The following KCNIP4 variants were observed in gnomAD, a reference collection of about 807,000 sequenced individuals.
The protein encoded by KCNIP4 is potassium voltage-gated channel interacting protein 4, also known as Kv channel-interacting protein 4.
In KCNIP4, 12 loss-of-function variants were observed where a neutral mutation model predicts 34.0. The ratio of observed to expected loss-of-function variants is 0.35; its 90% CI spans 0.23 to 0.57. The LOEUF (loss-of-function observed/expected upper bound fraction) is 0.57. KCNIP4 is among the 20% of genes least tolerant of loss of function. KCNIP4 has a pLI of 0.83. For synonymous variants in KCNIP4, 124 were observed against 102.2 expected (o/e 1.21, Z -1.29); for missense variants, 238 against 311.7 (o/e 0.76, Z 1.78).
chr4:20,733,737 A>C (rs1001093641), intron 6 of KCNIP4, among the ~76,000 whole-genome samples: 1 of 152,182 alleles, frequency 6.6e-6, no homozygotes, highest in African/African-American at 2.4e-5. Context: ...TATTTAGGAT[A>C]TGCTCCATAT....
intron 1 of KCNIP4, among the ~76,000 whole-genome samples, chr4:21,576,343 C>A (rs1216283543): frequency 6.6e-6 from 1 of 152,054 alleles, no homozygotes. Context: ...TGACAGTTCC[C>A]GTAGGTATAA....
At chr4:21,805,405 C>T (rs771683479) in intron 1 of KCNIP4, among the ~76,000 whole-genome samples, 21 of 152,044 alleles carry the variant, frequency 1.4e-4, no homozygotes, top group African/African-American at 3.4e-4. Flanking sequence ...CAGAGCACCA[C>T]GAGATCTGAT....
At chr4:20,792,351 C>T (rs1232520224) in intron 3 of KCNIP4, among the ~76,000 whole-genome samples, 4 of 151,884 alleles carry the variant, frequency 2.6e-5, no homozygotes, top group African/African-American at 7.3e-5. Flanking sequence ...GGCAACAGAA[C>T]GAGACTCCAT....
chr4:21,480,103 A>C (rs1168043591), intron 1 of KCNIP4, among the ~76,000 whole-genome samples: 1 of 151,624 alleles, frequency 6.6e-6, no homozygotes, highest in Non-Finnish European at 1.5e-5. Context: ...AAGTTTAGAA[A>C]ACCTACATAA....
At chr4:21,652,061 C>CT (rs1560594461) in intron 1 of KCNIP4, among the ~76,000 whole-genome samples, 1 of 152,168 alleles carries the variant, frequency 6.6e-6, no homozygotes, top group African/African-American at 2.4e-5. Flanking sequence ...TCCAACAGGT[C>CT]TACACCTCTA....
At chr4:21,743,376 A>C (rs1250150286) in intron 1 of KCNIP4, among the ~76,000 whole-genome samples, 1 of 147,996 alleles carries the variant, frequency 6.8e-6, no homozygotes, top group Non-Finnish European at 1.5e-5. Flanking sequence ...TCATCACACT[A>C]TGTCACTGGG....
At chr4:21,445,020 C>T (rs1560412640) in intron 1 of KCNIP4, among the ~76,000 whole-genome samples, 3 of 152,182 alleles carry the variant, frequency 2.0e-5, no homozygotes, top group Non-Finnish European at 2.9e-5. Context: ...AGCTCCCATT[C>T]ACAATTGCTT....
intron 1 of KCNIP4, among the ~76,000 whole-genome samples, chr4:21,902,893 C>A (rs1222901399): frequency 6.6e-6 from 1 of 152,148 alleles, no homozygotes; most frequent in Non-Finnish European, 1.5e-5. Context: ...GAGAGGGACC[C>A]AGAAAGGTGA....
intron 1 of KCNIP4, among the ~76,000 whole-genome samples, chr4:21,484,299 C>A (rs1162056766): frequency 1.3e-5 from 2 of 151,924 alleles, no homozygotes; most frequent in Non-Finnish European, 2.9e-5. Context: ...TGGTGGCATG[C>A]ACCTGCAATC....
chr4:21,076,064 C>T (rs2109010049), intron 1 of KCNIP4, among the ~76,000 whole-genome samples: 1 of 152,250 alleles, frequency 6.6e-6, no homozygotes, highest in East Asian at 1.9e-4. Flanking sequence ...TCTGGCTACA[C>T]TTAACATTTT....
intron 1 of KCNIP4, among the ~76,000 whole-genome samples, chr4:21,674,052 T>G (rs1456605427): frequency 6.6e-6 from 1 of 152,206 alleles, no homozygotes; most frequent in Non-Finnish European, 1.5e-5. Flanking sequence ...ATCAGAAAAC[T>G]CAATCTTCTA....
chr4:21,696,016 T>C (rs188174117), intron 1 of KCNIP4, among the ~76,000 whole-genome samples: 3 of 152,134 alleles, frequency 2.0e-5, no homozygotes, highest in East Asian at 1.9e-4. Flanking sequence ...GAGCTCCGAG[T>C]TGGCAAAAGT....
chr4:21,245,502 G>A (rs1359739428), intron 1 of KCNIP4, among the ~76,000 whole-genome samples: 1 of 152,116 alleles, frequency 6.6e-6, no homozygotes. Context: ...TGCTTCTGCT[G>A]TGACTGTCAT....
At chr4:21,618,607 C>CTTTTCTTTTTCT (rs1214072984) in intron 1 of KCNIP4, among the ~76,000 whole-genome samples, 2 of 125,072 alleles carry the variant, frequency 1.6e-5, no homozygotes, top group Non-Finnish European at 3.4e-5. Flanking sequence ...TATATATTTT[C>CTTTTCTTTTTCT]TTTTCTTTTT....
chr4:20,793,983 C>G (rs777929936), intron 3 of KCNIP4, among the ~76,000 whole-genome samples: 5 of 152,080 alleles, frequency 3.3e-5, no homozygotes, highest in Admixed American at 1.3e-4. Context: ...TCATGTTGTT[C>G]TCATAATAGT....
intron 1 of KCNIP4, among the ~76,000 whole-genome samples, chr4:21,015,725 T>A (rs1208577040): frequency 7.4e-6 from 1 of 134,876 alleles, no homozygotes; most frequent in African/African-American, 2.7e-5. Context: ...ATATTTTTAT[T>A]TCTAGATATA....
chr4:20,989,830 A>G (rs908361502), intron 1 of KCNIP4, among the ~76,000 whole-genome samples: 1 of 152,170 alleles, frequency 6.6e-6, no homozygotes, highest in Non-Finnish European at 1.5e-5. Context: ...TTAGCTCGGC[A>G]TGGTGACATG....
intron 1 of KCNIP4, among the ~76,000 whole-genome samples, chr4:21,012,415 C>T (rs1026716669): frequency 5.3e-5 from 8 of 151,876 alleles, no homozygotes; most frequent in Non-Finnish European, 7.4e-5. Flanking sequence ...CACATCTTCA[C>T]AAAAATAAAA....
chr4:21,091,998 C>G (rs967518215), intron 1 of KCNIP4, among the ~76,000 whole-genome samples: 4 of 152,152 alleles, frequency 2.6e-5, no homozygotes, highest in Admixed American at 2.0e-4. Flanking sequence ...GGCTCAGCAA[C>G]TGGCCAAGCC....
Sources: gnomAD v4.1 joint callset for allele counts (sites outside exome capture counted in the v4.1 genomes callset) on GRCh38, gnomAD v4.1.1 for gene constraint, MANE v1.5 for transcripts, NCBI Gene and HGNC (gene_info 2026-07-23, HGNC 2026-07-21) for gene names.